The following ZNF407 variants were observed in gnomAD, a reference collection of about 807,000 sequenced individuals.
The protein encoded by ZNF407 is zinc finger protein 407.
In ZNF407, 17 loss-of-function variants were observed where a neutral mutation model predicts 131.2. The observed-to-expected ratio is 0.13, with a 90% CI of 0.09 to 0.19. ZNF407 has a LOEUF of 0.19. Ranked by LOEUF, ZNF407 falls within the 10% of genes least tolerant of loss-of-function variation. ZNF407 has a pLI of 1.00. For missense variants in ZNF407, 2,681 were observed against 2,830.6 expected, an observed-to-expected ratio of 0.95 and a Z score of 1.20; for synonymous variants, 1,156 against 1,062.0, an observed-to-expected ratio of 1.09 and a Z score of -1.72.
intron 3 of ZNF407, among the ~76,000 whole-genome samples, chr18:74,730,703 A>G (rs1197848491): frequency 1.3e-5 from 2 of 152,198 alleles, no homozygotes; most frequent in Non-Finnish European, 2.9e-5. Flanking sequence ...ACCTTTGGCT[A>G]AAATTATTGT....
intron 4 of ZNF407, among the ~76,000 whole-genome samples, chr18:74,863,761 A>G (rs2145162852): frequency 6.6e-6 from 1 of 152,302 alleles, no homozygotes; most frequent in South Asian, 2.1e-4. Context: ...CAGTTTAATA[A>G]TTGAGCACCT....
intron 4 of ZNF407, among the ~76,000 whole-genome samples, chr18:74,800,308 C>G (rs974938041): frequency 1.3e-5 from 2 of 152,052 alleles, no homozygotes; most frequent in African/African-American, 4.8e-5. Flanking sequence ...GTGCATTCCC[C>G]TGCTTTTGAG....
intron 3 of ZNF407, among the ~76,000 whole-genome samples, chr18:74,705,847 A>G (rs1377794243): frequency 6.6e-6 from 1 of 152,244 alleles, no homozygotes; most frequent in Non-Finnish European, 1.5e-5. Context: ...TGCATATAAA[A>G]TACGAAACTA....
intron 3 of ZNF407, among the ~76,000 whole-genome samples, chr18:74,730,426 C>G (rs1329501229): frequency 6.6e-6 from 1 of 152,204 alleles, no homozygotes. Context: ...GGATGTTTCA[C>G]TTTTCCTCCT....
intron 3 of ZNF407, among the ~76,000 whole-genome samples, chr18:74,688,830 A>G (rs1370658328): frequency 6.6e-6 from 1 of 151,952 alleles, no homozygotes; most frequent in Admixed American, 6.6e-5. Context: ...TGAATGTGGT[A>G]TATCTTTCTT....
intron 8 of ZNF407, among the ~76,000 whole-genome samples, chr18:74,972,276 G>C (rs758080665): frequency 1.3e-5 from 2 of 152,016 alleles, no homozygotes; most frequent in Non-Finnish European, 2.9e-5. Context: ...TAATTTTACT[G>C]TCTGAGCCAG....
rs1568134888 is a variant in ZNF407, at chr18:74,633,745, T to C, written c.2726T>C (p.Ile909Thr). ...AAGAAACATAAAGGACGGGTAGAAA[T>C]AGAAGCAAGTGGAAAACACAGTTCA... is the stretch of plus-strand genomic sequence containing the variant. Reference protein sequence around the residue: ...ATKKHKGRVEIEASGKHSSDI... With the variant: ...ATKKHKGRVETEASGKHSSDI... Residue 909 changes from isoleucine (I) to threonine (T), a missense_variant, in exon 2 of 9, where the codon ATA becomes ACA. By Grantham distance (89) the Ile-to-Thr change is moderately conservative. This residue lies in a region of ZNF407 where 1,789 missense variants were observed against 1,748.7 expected (regional missense o/e 1.02). Coordinates refer to ENST00000299687, the MANE Select transcript of ZNF407 (RefSeq NM_017757.3). 1.9e-6 allele frequency: 3 copies of C among 1,613,470 alleles called. No homozygotes were observed. The highest frequency in any genetic ancestry group is 2.5e-6 in the Non-Finnish European group (3 of 1,179,764).
chr18:75,038,593 G>A (rs1291790342), intron 8 of ZNF407, among the ~76,000 whole-genome samples: 1 of 152,166 alleles, frequency 6.6e-6, no homozygotes, highest in East Asian at 1.9e-4. Flanking sequence ...GTGATACTGT[G>A]TAAAGGAAGG....
intron 4 of ZNF407, among the ~76,000 whole-genome samples, chr18:74,788,061 T>C (rs8099780): frequency 0.95 from 143,951 of 152,284 alleles, 68,524 homozygotes; most frequent in East Asian, 1. Flanking sequence ...ATGTTTACTG[T>C]TGGGAAGCTC....
intron 4 of ZNF407, among the ~76,000 whole-genome samples, chr18:74,783,764 A>G (rs1311962093): frequency 1.3e-5 from 2 of 152,156 alleles, no homozygotes; most frequent in African/African-American, 4.8e-5. Flanking sequence ...AAGCACACCC[A>G]CCTTCTGGAT....
chr18:74,745,669 C>G (rs1354520630), intron 3 of ZNF407, among the ~76,000 whole-genome samples: 2 of 152,076 alleles, frequency 1.3e-5, no homozygotes, highest in East Asian at 3.9e-4. Context: ...TTTGGGAAAA[C>G]AGAACAAAAT....
At chr18:74,870,579 T>C (rs1321897586) in intron 4 of ZNF407, among the ~76,000 whole-genome samples, 1 of 152,210 alleles carries the variant, frequency 6.6e-6, no homozygotes, top group African/African-American at 2.4e-5. Context: ...AAGTCTAGTC[T>C]AACTTAAATG....
chr18:74,663,429 T>G (rs1310399901), intron 3 of ZNF407, among the ~76,000 whole-genome samples: 1 of 152,142 alleles, frequency 6.6e-6, no homozygotes, highest in Non-Finnish European at 1.5e-5. Context: ...AGATGACCAT[T>G]GTGATTTAAA....
intron 4 of ZNF407, among the ~76,000 whole-genome samples, chr18:74,873,597 C>T (rs916796373): frequency 6.6e-6 from 1 of 152,116 alleles, no homozygotes; most frequent in Middle Eastern, 3.4e-3. Context: ...TGAGGTGGCT[C>T]AAGCCTGTAA....
chr18:75,054,890 C>T (rs76008718), intron 8 of ZNF407, among the ~76,000 whole-genome samples: 4,360 of 152,234 alleles, frequency 0.029, 78 homozygotes, highest in African/African-American at 0.051. Context: ...AGCATGGGCT[C>T]CCCCCCATAC....
chr18:74,891,206 C>T (rs1262920787), intron 7 of ZNF407, among the ~76,000 whole-genome samples: 1 of 152,150 alleles, frequency 6.6e-6, no homozygotes, highest in Non-Finnish European at 1.5e-5. Flanking sequence ...ATGTGATGGT[C>T]TGTGGGACCC....
At chr18:74,988,156 A>C (rs1972675153) in intron 8 of ZNF407, among the ~76,000 whole-genome samples, 1 of 152,252 alleles carries the variant, frequency 6.6e-6, no homozygotes, top group South Asian at 2.1e-4. Context: ...CAAGATGCCA[A>C]GGAGGAAGGA....
chr18:74,836,183 C>G (rs1970557253), intron 4 of ZNF407, among the ~76,000 whole-genome samples: 1 of 152,146 alleles, frequency 6.6e-6, no homozygotes, highest in Non-Finnish European at 1.5e-5. Flanking sequence ...AGAATTTGAG[C>G]ATAAAACTTC....
At chr18:74,904,178 T>C (rs1372042680) in intron 7 of ZNF407, among the ~76,000 whole-genome samples, 1 of 152,234 alleles carries the variant, frequency 6.6e-6, no homozygotes, top group African/African-American at 2.4e-5. Context: ...TCGTTCTTCA[T>C]CTGCTCCCAT....
Sources: gnomAD v4.1 joint callset for allele counts (sites outside exome capture counted in the v4.1 genomes callset) on GRCh38, gnomAD v4.1.1 for gene constraint, gnomAD v4.1.1 regional missense constraint, MANE v1.5 for transcripts, NCBI Gene and HGNC (gene_info 2026-07-23, HGNC 2026-07-21) for gene names.